Variants in SLC5A7 observed in about 807,000 individuals in gnomAD.
SLC5A7 encodes high affinity choline transporter 1.
SLC5A7 carries 19 observed loss-of-function variants against 55.4 expected under a neutral mutation model. The ratio of observed to expected loss-of-function variants is 0.34; its 90% CI spans 0.24 to 0.50. The LOEUF (loss-of-function observed/expected upper bound fraction) is 0.50. SLC5A7 is among the 20% of genes least tolerant of loss of function. SLC5A7 has a pLI of 0.98. For synonymous variants in SLC5A7, 265 were observed against 263.7 expected, an observed-to-expected ratio of 1.00 and a Z score of -0.05; for missense variants, 506 against 705.3, an observed-to-expected ratio of 0.72 and a Z score of 3.20.
chr2:108,008,443 G>A (rs766612506), intron 7 of SLC5A7, 22 bp from the exon 8 acceptor site: 1 of 1,596,598 alleles, frequency 6.3e-7, no homozygotes, highest in Non-Finnish European at 8.6e-7. Flanking sequence ...TGGTTATAAT[G>A]GTTGTTGATT....
In SLC5A7 at chr2:108,011,961, A is replaced by T. The variant is rs1051121873; in HGVS notation, c.*1100A>T. 6.6e-6 allele frequency: 1 copy of T among 152,628 alleles called. No homozygotes were observed. Among genetic ancestry groups the T allele is most frequent in the Non-Finnish European group, 1.5e-5 (1 of 68,018 alleles). The allele number at this position is 152,628 out of a possible 1,614,324, so 9.5% of individuals were successfully genotyped here. Reference sequence around the variant, plus strand: ...CATCTACTCTTTGGCACTTTTTCACATAAGCCAGCCTTAGAGACTAGACAA... The same window carrying T: ...CATCTACTCTTTGGCACTTTTTCACTTAAGCCAGCCTTAGAGACTAGACAA... On this transcript the variant is annotated 3_prime_UTR_variant, in exon 9 of 9. Coordinates refer to ENST00000264047, the MANE Select transcript of SLC5A7 (RefSeq NM_021815.5).
intron 6 of SLC5A7, among the ~76,000 whole-genome samples, chr2:108,002,776 C>G (rs887964248): frequency 1.3e-5 from 2 of 151,914 alleles, no homozygotes; most frequent in Non-Finnish European, 2.9e-5. Context: ...CAGCCCTTTG[C>G]CAGTCTGAGG....
chr2:108,006,119 A>G lies in SLC5A7; in HGVS notation c.812A>G (p.Gln271Arg). 1 of 1,614,150 alleles carries G rather than the reference A, an allele frequency of 6.2e-7. No homozygotes were observed. Among genetic ancestry groups the G allele is most frequent in the Non-Finnish European group, 8.5e-7 (1 of 1,180,010 alleles). ...VLSSSSATYA[Q>R]VLSFLAAFGC... ...TCTTCTTCCTCAGCCACCTATGCTC[A>G]AGTGCTGTCCTTCCTGGCAGCTTTC... is the stretch of plus-strand genomic sequence containing the variant. Residue 271 changes from glutamine (Q) to arginine (R), a missense_variant, in exon 7 of 9, where the codon CAA (glutamine) becomes CGA (arginine). Around this residue, in one of 4 missense-constraint regions of SLC5A7, gnomAD observed 309 missense variants for 478.6 expected, o/e 0.65. Coordinates refer to ENST00000264047, the MANE Select transcript of SLC5A7 (RefSeq NM_021815.5).
intron 5 of SLC5A7, among the ~76,000 whole-genome samples, chr2:107,998,824 T>C (rs1280616166): frequency 3.9e-5 from 6 of 152,218 alleles, no homozygotes; most frequent in Non-Finnish European, 8.8e-5. Flanking sequence ...ATGATTCATT[T>C]TCCCAAGGAT....
intron 1 of SLC5A7, among the ~76,000 whole-genome samples, chr2:107,987,221 TAAATAA>T (rs745768532): frequency 3.9e-5 from 6 of 152,018 alleles, no homozygotes; most frequent in South Asian, 4.2e-4. Context: ...AGGTAAAAAA[TAAATAA>T]AAATAAAAAT....
rs200286711 is a variant in SLC5A7, at chr2:108,010,614, A to C, written c.1496A>C (p.Lys499Thr). The change falls in exon 9 of 9, where the codon AAG becomes ACG. Residue 499 changes from lysine to threonine, a missense_variant. Physicochemically the swap from Lys to Thr is moderately conservative, Grantham distance 78. This residue lies in a region of SLC5A7 where 137 missense variants were observed against 143.6 expected (regional missense o/e 0.95). Transcript: ENST00000264047. ...AACATTTGCATCTCCTATCTAGCCA[A>C]GTATCTATTTGAAAGTGGAACCTTG... ...LTNICISYLA[K>T]YLFESGTLPP... 3.9e-5 allele frequency: 63 copies of C among 1,614,020 alleles called. No homozygotes were observed. The East Asian group carries it at 1.4e-3, about 36-fold the overall frequency.
chr2:107,989,988 T>C (rs966333855), intron 2 of SLC5A7, among the ~76,000 whole-genome samples: 2 of 152,192 alleles, frequency 1.3e-5, no homozygotes, highest in African/African-American at 4.8e-5. Flanking sequence ...AACTTTTTTT[T>C]CTTTCTCAGA....
At chr2:107,994,359 G>A (rs1000227125) in intron 4 of SLC5A7, among the ~76,000 whole-genome samples, 1 of 152,156 alleles carries the variant, frequency 6.6e-6, no homozygotes, top group Non-Finnish European at 1.5e-5. Context: ...CAAGGAGGGC[G>A]GATCACGAGG....
intron 4 of SLC5A7, among the ~76,000 whole-genome samples, chr2:107,995,081 A>C (rs957435052): frequency 2.6e-5 from 4 of 152,186 alleles, no homozygotes; most frequent in African/African-American, 9.7e-5. Flanking sequence ...TCAGCAGGCA[A>C]TTTTGATGTT....
chr2:107,988,012 C>T, intron 1 of SLC5A7, 93 bp from the exon 2 acceptor site: 1 of 714,228 alleles, frequency 1.4e-6, no homozygotes, highest in East Asian at 2.7e-5. Flanking sequence ...GTGAGTGGCA[C>T]AGGATCTCGC....
Position 108,006,116 on chromosome 2 carries a change from C to T in SLC5A7, c.809C>T (p.Ala270Val), listed in dbSNP as rs1235728793. The change falls in exon 7 of 9, where the codon GCT (alanine) becomes GTT (valine). Residue 270 changes from alanine (A) to valine (V), a missense_variant. By Grantham distance (64) the Ala-to-Val change is moderately conservative. Around this residue, in one of 4 missense-constraint regions of SLC5A7, gnomAD observed 309 missense variants for 478.6 expected, o/e 0.65. Coordinates refer to ENST00000264047, the MANE Select transcript of SLC5A7 (RefSeq NM_021815.5). ...RVLSSSSATY[A>V]QVLSFLAAFG... ...CTCTCTTCTTCCTCAGCCACCTATG[C>T]TCAAGTGCTGTCCTTCCTGGCAGCT... 1.2e-6 allele frequency: 2 copies of T among 1,614,064 alleles called. No individual in the cohort carries two copies. The highest frequency in any genetic ancestry group is 1.3e-5 in the African/African-American group (1 of 74,934).
chr2:108,009,074 A>G (rs1678221141), intron 8 of SLC5A7, among the ~76,000 whole-genome samples: 1 of 151,986 alleles, frequency 6.6e-6, no homozygotes, highest in Non-Finnish European at 1.5e-5. Context: ...TTCGACACGT[A>G]TTTTTGTAAC....
rs539290661 is a variant in SLC5A7, at chr2:108,001,285, T to C, written c.598-612T>C. Among the ~76,000 whole-genome samples the C allele has an allele frequency of 2.6e-5, 4 of 152,162 alleles. No individual in the cohort carries two copies. The South Asian group carries it at 8.3e-4, about 32-fold the overall frequency. On this transcript the variant is annotated intron_variant, in intron 5 of 8. Transcript: ENST00000264047. Reference sequence around the variant, plus strand: ...ATAGGTAGGCAGATAGATACATAGATAGATTGACAGATATTTCAAATATAA... The same window carrying C: ...ATAGGTAGGCAGATAGATACATAGACAGATTGACAGATATTTCAAATATAA...
chr2:107,995,129 T>C (rs1677616922), intron 4 of SLC5A7, among the ~76,000 whole-genome samples: 1 of 152,188 alleles, frequency 6.6e-6, no homozygotes, highest in Non-Finnish European at 1.5e-5. Flanking sequence ...ACCGAGTTGG[T>C]AGCGCCTACT....
chr2:108,009,150 T>C (rs1678223317), intron 8 of SLC5A7, among the ~76,000 whole-genome samples: 1 of 152,230 alleles, frequency 6.6e-6, no homozygotes, highest in South Asian at 2.1e-4. Context: ...CTCAATTTGA[T>C]TTTCTTTATT....
intron 6 of SLC5A7, 35 bp from the exon 7 acceptor site, chr2:108,006,014 A>T: frequency 1.2e-6 from 2 of 1,611,852 alleles, no homozygotes; most frequent in Non-Finnish European, 1.7e-6. Flanking sequence ...AAATGAATAG[A>T]TGTTTGCCTC....
At chr2:108,000,261 C>T (rs377682218) in intron 5 of SLC5A7, among the ~76,000 whole-genome samples, 3 of 152,168 alleles carry the variant, frequency 2.0e-5, no homozygotes, top group East Asian at 1.9e-4. Flanking sequence ...TAGTATTGGG[C>T]CCATCTTTGA....
chr2:108,008,275 A>G (rs758199077), intron 7 of SLC5A7, among the ~76,000 whole-genome samples, 190 bp from the exon 8 acceptor site: 2 of 152,350 alleles, frequency 1.3e-5, no homozygotes, highest in African/African-American at 4.8e-5. Context: ...AACACTAACT[A>G]TAACCAATAC....
At chr2:107,990,628 G>A in intron 2 of SLC5A7, among the ~76,000 whole-genome samples, 1 of 152,182 alleles carries the variant, frequency 6.6e-6, no homozygotes, top group East Asian at 1.9e-4. Flanking sequence ...GCAAAGGTGG[G>A]AGTGATTGCT....
Sources: allele counts gnomAD v4.1 joint callset (sites outside exome capture counted in the v4.1 genomes callset), GRCh38; gene constraint gnomAD v4.1.1; regional missense constraint gnomAD v4.1.1; transcripts MANE v1.5; gene names NCBI Gene and HGNC (gene_info 2026-07-23, HGNC 2026-07-21).